AKT1: variants seen among roughly 807,000 people sequenced by gnomAD.
AKT1 encodes AKT serine/threonine kinase 1.
AKT1 carries 21 observed loss-of-function variants against 63.1 expected under a neutral mutation model. The observed-to-expected ratio is 0.33, with a 90% CI of 0.24 to 0.48. The LOEUF is 0.48. AKT1 is among the 20% of genes least tolerant of loss of function. The pLI, the probability that AKT1 is intolerant of heterozygous loss-of-function variation, is 0.99. For missense variants in AKT1, 382 were observed against 666.0 expected (o/e 0.57, Z 4.69); for synonymous variants, 257 against 253.1 (o/e 1.02, Z -0.15).
chr14:104,777,707 G>A (rs919687521), intron 4 of AKT1: 4 of 985,576 alleles, frequency 4.1e-6, no homozygotes, highest in Non-Finnish European at 4.8e-6. Flanking sequence ...CAAAGCAGGA[G>A]GAGGCTGAGG....
chr14:104,778,882 AC>A (rs1489745443), intron 4 of AKT1, among the ~76,000 whole-genome samples: 1 of 152,140 alleles, frequency 6.6e-6, no homozygotes, highest in Non-Finnish European at 1.5e-5. Context: ...CCTGGTGGGC[AC>A]CTCGCTCTGC....
intron 4 of AKT1, chr14:104,777,286 C>G (rs149938880): frequency 0.049 from 5,957 of 121,710 alleles, 131 homozygotes; most frequent in East Asian, 0.17. Flanking sequence ...TGGGGCACAG[C>G]CACACCTGGG....
intron 5 of AKT1, 119 bp downstream of exon 5, chr14:104,776,539 TG>T: frequency 3.7e-6 from 3 of 818,268 alleles, no homozygotes; most frequent in Non-Finnish European, 5.7e-6. Flanking sequence ...GAGGAGGGCC[TG>T]GGAGCACTGG....
intron 13 of AKT1, 113 bp downstream of exon 13, chr14:104,772,252 C>T: frequency 8.8e-7 from 1 of 1,132,888 alleles, no homozygotes; most frequent in Non-Finnish European, 1.3e-6. Context: ...CTGCAGCAGG[C>T]TCCTGAGGTG....
intron 4 of AKT1, chr14:104,777,638 G>A: frequency 1.0e-6 from 1 of 988,382 alleles, no homozygotes; most frequent in Admixed American, 6.1e-5. Flanking sequence ...CCTGAGAGGT[G>A]TGAGTGAGTG....
intron 4 of AKT1, chr14:104,777,353 CACACA>C (rs1892784785): frequency 4.3e-6 from 1 of 230,132 alleles, no homozygotes; most frequent in East Asian, 1.7e-4. Flanking sequence ...CTGGGGCACA[CACACA>C]CTGGAGGCAA....
rs1595267961 is a variant in AKT1, at chr14:104,795,375, T to G, written c.-258+109A>C. 3 of 148,422 alleles carry G rather than the reference T, an allele frequency of 2.0e-5. No homozygotes were observed. Among genetic ancestry groups the G allele is most frequent in the African/African-American group, 7.3e-5 (3 of 40,956 alleles). 9.2% of individuals were successfully genotyped at this position (148,422 alleles called of 1,614,324 possible). On this transcript the variant is annotated intron_variant, in intron 1 of 14. Transcript: ENST00000649815. This position sits in a 1 kb window ranked among gnomAD's most constrained non-coding sequence, Gnocchi z 5.1. Reference sequence around the variant, plus strand: ...GCCACTTCCTGCTCCCGCTCCTCCATTCTGGCGGCGCCGCGGCTCGCGCCC... The same window carrying G: ...GCCACTTCCTGCTCCCGCTCCTCCAGTCTGGCGGCGCCGCGGCTCGCGCCC...
chr14:104,794,283 C>G (rs1262751603), intron 1 of AKT1: 1 of 152,594 alleles, frequency 6.6e-6, no homozygotes. Flanking sequence ...GGGCTGGACT[C>G]AAAGACCTCT....
In AKT1 at chr14:104,769,594, G is replaced by C. The variant is rs1892264933; in HGVS notation, c.*747C>G. ...GTGCTACCGTGGAGAGATCATCTGA[G>C]GGGGAGGCTCCCGGTGGGACAGTCA... On this transcript the variant is annotated 3_prime_UTR_variant, in exon 15 of 15. Coordinates refer to ENST00000649815, the MANE Select transcript of AKT1 (RefSeq NM_001382430.1). 1 of 531,074 alleles carries C rather than the reference G, an allele frequency of 1.9e-6. No homozygotes were observed. The highest frequency in any genetic ancestry group is 1.5e-5 in the South Asian group (1 of 64,568). The allele number at this position is 531,074 out of a possible 1,614,324, so 32.9% of individuals were successfully genotyped here.
chr14:104,777,685 G>A, intron 4 of AKT1: 2 of 986,366 alleles, frequency 2.0e-6, no homozygotes, highest in Non-Finnish European at 2.4e-6. Context: ...GCAGGCTCTG[G>A]CCCAGCCTGT....
Position 104,773,243 on chromosome 14 carries a change from G to A in AKT1, c.957+8C>T. The stretch of plus-strand genomic sequence containing the variant: ...AGCAACGCGTATGCACGCAGGTGGG[G>A]CGCACACCTCGGGGGCCAGGTACTC... On this transcript the variant is annotated splice_region_variant and intron_variant, in intron 11 of 14. Coordinates refer to ENST00000649815, the MANE Select transcript of AKT1 (RefSeq NM_001382430.1). 1 of 1,614,172 alleles carries A rather than the reference G, an allele frequency of 6.2e-7. No homozygotes were observed. The highest frequency in any genetic ancestry group is 8.5e-7 in the Non-Finnish European group (1 of 1,180,006).
chr14:104,783,069 A>G (rs1893146688), intron 3 of AKT1, among the ~76,000 whole-genome samples: 1 of 152,152 alleles, frequency 6.6e-6, no homozygotes, highest in Non-Finnish European at 1.5e-5. Context: ...GGGGCCCAGC[A>G]TCACTGTCCT....
rs1892440938 is a variant in AKT1 at position 104,772,364 on chromosome 14, CCTT to C, written c.1258_1260del (p.Lys420del). The C allele has an allele frequency of 1.9e-6, 3 of 1,613,838 alleles. No homozygotes were observed. Among genetic ancestry groups the C allele is most frequent in the Non-Finnish European group, 2.5e-6 (3 of 1,179,994 alleles). ...CGTGAATATGCGGGGAGCAGCCGCA[CCTT>C]CTTCTCGTACACGTGCTGCCACACG... On this transcript the variant is annotated inframe_deletion and splice_region_variant, in exon 13 of 15. Transcript: ENST00000649815.
chr14:104,777,820 A>G (rs1482895305), intron 4 of AKT1: 1 of 688,214 alleles, frequency 1.5e-6, no homozygotes, highest in Non-Finnish European at 1.8e-6. Flanking sequence ...GGGGGCCAGG[A>G]GGGGGCTCGG....
chr14:104,775,876 C>T, intron 5 of AKT1, 77 bp from the exon 6 acceptor site: 2 of 1,535,072 alleles, frequency 1.3e-6, no homozygotes, highest in Non-Finnish European at 1.8e-6. Context: ...CACCCGCCAG[C>T]CTCACAAGCG....
At chr14:104,783,723 C>G (rs1363938365) in intron 3 of AKT1, among the ~76,000 whole-genome samples, 2 of 152,148 alleles carry the variant, frequency 1.3e-5, no homozygotes, top group African/African-American at 4.8e-5. Context: ...GACCGCCCAG[C>G]ATTCAGGCCC....
intron 3 of AKT1, among the ~76,000 whole-genome samples, chr14:104,786,568 G>A (rs1477957744): frequency 6.6e-6 from 1 of 152,178 alleles, no homozygotes; most frequent in African/African-American, 2.4e-5. Flanking sequence ...TGCATTGCTG[G>A]GGGAACTGGA....
At chr14:104,779,710 C>T (rs1376231191) in intron 4 of AKT1, among the ~76,000 whole-genome samples, 2 of 151,612 alleles carry the variant, frequency 1.3e-5, no homozygotes, top group African/African-American at 4.9e-5. Context: ...CCCAGAGACC[C>T]CGGCCCAGCC....
At position 104,770,747 on chromosome 14, in the gene AKT1, T is replaced by C. The variant is rs759702315; in HGVS notation, c.1361A>G (p.Gln454Arg). The C allele has an allele frequency of 8.1e-6, 13 of 1,612,792 alleles. No homozygotes were observed. The Admixed American group carries it at 1.0e-4, about 12-fold the overall frequency. The change falls in exon 14 of 15, where the codon CAA becomes CGA. Residue 454 changes from glutamine to arginine, a missense_variant and splice_region_variant. Gln to Arg is a conservative substitution (Grantham distance 43, BLOSUM62 1). Coordinates refer to ENST00000649815, the MANE Select transcript of AKT1 (RefSeq NM_001382430.1). The part of the protein sequence containing the change: ...AQMITITPPD[Q>R]DDSMECVDSE... ...GGGGGCAGGCAGTGGCCCCTCACCT[T>C]GGTCAGGTGGTGTGATGGTGATCAT...
Sources: allele counts gnomAD v4.1 joint callset (sites outside exome capture counted in the v4.1 genomes callset), GRCh38; gene constraint gnomAD v4.1.1; non-coding constraint Gnocchi (gnomAD v3.1); transcripts MANE v1.5; gene names NCBI Gene and HGNC (gene_info 2026-07-23, HGNC 2026-07-21).